PALS2: variants seen among roughly 807,000 people sequenced by gnomAD.
The protein encoded by PALS2 is protein associated with LIN7 2, MAGUK p55 family member, also known as protein PALS2.
In PALS2, 27 loss-of-function variants were observed where a neutral mutation model predicts 61.6. The ratio of observed to expected loss-of-function variants is 0.44; its 90% CI spans 0.32 to 0.60. The LOEUF (loss-of-function observed/expected upper bound fraction) is 0.60. Among genes scored for constraint, PALS2 ranks in the 20% least tolerant of loss-of-function variants. PALS2 has a pLI of 0.05. For synonymous variants in PALS2, 236 were observed against 218.6 expected, an observed-to-expected ratio of 1.08 and a Z score of -0.70; for missense variants, 554 against 639.4, an observed-to-expected ratio of 0.87 and a Z score of 1.44.
At chr7:24,674,600 C>T (rs1406448487) in intron 9 of PALS2, 1 of 152,198 alleles carries the variant, frequency 6.6e-6, no homozygotes, top group African/African-American at 2.4e-5. Context: ...TAACTGTGCT[C>T]TTCAACAGCA....
intron 3 of PALS2, among the ~76,000 whole-genome samples, chr7:24,647,747 A>G (rs1004808652): frequency 6.6e-5 from 10 of 152,222 alleles, no homozygotes; most frequent in African/African-American, 2.4e-4. Flanking sequence ...TCAAGTGGTA[A>G]CAAATGAGTT....
rs774008248 is a variant in PALS2, at chr7:24,666,190, G to A, written c.952+101G>A. The A allele has an allele frequency of 4.9e-6, 5 of 1,021,062 alleles. No individual in the cohort carries two copies. The Admixed American group carries it at 8.6e-5, about 18-fold the overall frequency. The allele number at this position is 1,021,062 out of a possible 1,614,324, so 63.3% of individuals were successfully genotyped here. A position where few individuals can be genotyped will look rare whatever the true frequency, so the allele number is the denominator to read the frequency against. ...TACAGCTTTAAGTGAGTGTAATTCA[G>A]ATTAGTACCTAGTTGCAAGGGGCTG... On this transcript the variant is annotated intron_variant, in intron 8 of 11. Transcript: ENST00000222644.
intron 1 of PALS2, among the ~76,000 whole-genome samples, chr7:24,606,308 AGAC>A (rs1783897065): frequency 6.6e-6 from 1 of 152,194 alleles, no homozygotes. Flanking sequence ...AAAAGGAAAC[AGAC>A]TCCAAGACAC....
intron 1 of PALS2, among the ~76,000 whole-genome samples, chr7:24,598,278 A>C (rs1342712584): frequency 2.0e-5 from 3 of 152,200 alleles, no homozygotes; most frequent in Non-Finnish European, 2.9e-5. Flanking sequence ...TGTAACTTAA[A>C]TTTATGAAGG....
chr7:24,656,929 T>A (rs1786450639), intron 5 of PALS2, among the ~76,000 whole-genome samples: 2 of 152,338 alleles, frequency 1.3e-5, no homozygotes, highest in South Asian at 2.1e-4. Context: ...TTTTTGTCAC[T>A]TTAAATTATT....
chr7:24,648,467 T>TG (rs1785959957), intron 3 of PALS2, among the ~76,000 whole-genome samples: 1 of 151,696 alleles, frequency 6.6e-6, no homozygotes, highest in Admixed American at 6.6e-5. Context: ...TAATTTTTTG[T>TG]GTTTTTAGTA....
chr7:24,606,602 T>G (rs117003360), intron 1 of PALS2, among the ~76,000 whole-genome samples: 1 of 150,604 alleles, frequency 6.6e-6, no homozygotes, highest in East Asian at 2.0e-4. Flanking sequence ...TTTAATTAGG[T>G]TTTTTTTTGT....
At chr7:24,660,471 A>G (rs1786659519) in intron 5 of PALS2, among the ~76,000 whole-genome samples, 1 of 151,972 alleles carries the variant, frequency 6.6e-6, no homozygotes, top group African/African-American at 2.4e-5. Flanking sequence ...GCTATTCTGA[A>G]CCTTATTTTT....
At chr7:24,608,044 T>C (rs1783985162) in intron 1 of PALS2, among the ~76,000 whole-genome samples, 1 of 152,156 alleles carries the variant, frequency 6.6e-6, no homozygotes, top group Admixed American at 6.6e-5. Context: ...TACATGTGTG[T>C]TTATATACAC....
At chr7:24,664,330 TCTC>T (rs908802517) in intron 6 of PALS2, among the ~76,000 whole-genome samples, 4 of 152,122 alleles carry the variant, frequency 2.6e-5, no homozygotes, top group Non-Finnish European at 5.9e-5. Flanking sequence ...TCTTTTTTCT[TCTC>T]CTAATGCAGC....
intron 3 of PALS2, among the ~76,000 whole-genome samples, chr7:24,643,965 T>C (rs1198275719): frequency 1.3e-5 from 2 of 152,164 alleles, no homozygotes; most frequent in Non-Finnish European, 2.9e-5. Context: ...CCTAATCCTT[T>C]CTTTGATTAC....
chr7:24,633,157 C>G (rs1431559916), intron 2 of PALS2, among the ~76,000 whole-genome samples: 1 of 151,722 alleles, frequency 6.6e-6, no homozygotes, highest in East Asian at 1.9e-4. Flanking sequence ...TTTTTTTTCT[C>G]TAGCACTCGT....
At chr7:24,609,246 G>A (rs2128051315) in intron 1 of PALS2, among the ~76,000 whole-genome samples, 1 of 152,158 alleles carries the variant, frequency 6.6e-6, no homozygotes, top group South Asian at 2.1e-4. Flanking sequence ...ATTTGTGTAG[G>A]CTGCTCCTCC....
Position 24,679,122 on chromosome 7 carries a change from T to G in PALS2, c.1115-9T>G, listed in dbSNP as rs377236243. ...CTTTGTACAAAAATCTCAACACTAT[T>G]TTATTTAGTTACTTCACGGAAACCA... is the stretch of plus-strand genomic sequence containing the variant. On this transcript the variant is annotated splice_polypyrimidine_tract_variant and intron_variant, in intron 9 of 11. Transcript: ENST00000222644. 1.2e-6 allele frequency: 2 copies of G among 1,611,934 alleles called. No individual in the cohort carries two copies. The highest frequency in any genetic ancestry group is 1.7e-6 in the Non-Finnish European group (2 of 1,178,156).
At chr7:24,665,727 T>A in intron 7 of PALS2, 40 bp downstream of exon 7, 4 of 1,544,412 alleles carry the variant, frequency 2.6e-6, no homozygotes, top group Non-Finnish European at 3.6e-6. Flanking sequence ...CAGTCCTTTG[T>A]GACCACCTTT....
intron 2 of PALS2, among the ~76,000 whole-genome samples, chr7:24,636,010 G>A (rs1161493639): frequency 6.6e-6 from 1 of 151,892 alleles, no homozygotes. Flanking sequence ...TCAAGAGTTC[G>A]AGTCCAGCCT....
intron 9 of PALS2, among the ~76,000 whole-genome samples, chr7:24,676,126 A>C (rs992765238): frequency 5.3e-5 from 8 of 151,098 alleles, no homozygotes; most frequent in Admixed American, 1.3e-4. Context: ...TTTGATTTGC[A>C]TTTCTCTGAT....
intron 11 of PALS2, among the ~76,000 whole-genome samples, chr7:24,681,313 G>T (rs946895056): frequency 6.6e-6 from 1 of 151,942 alleles, no homozygotes; most frequent in Non-Finnish European, 1.5e-5. Context: ...TTCAATAATC[G>T]TGGCAATTTC....
chr7:24,655,048 A>G (rs1037438020), intron 5 of PALS2, among the ~76,000 whole-genome samples: 1 of 152,240 alleles, frequency 6.6e-6, no homozygotes, highest in Non-Finnish European at 1.5e-5. Context: ...ATATAAAGAT[A>G]TATTGAAAAT....
Sources: gnomAD v4.1 joint callset for allele counts (sites outside exome capture counted in the v4.1 genomes callset) on GRCh38, gnomAD v4.1.1 for gene constraint, MANE v1.5 for transcripts, NCBI Gene and HGNC (gene_info 2026-07-23, HGNC 2026-07-21) for gene names.